The following UGT2A1 variants were observed in gnomAD, a reference collection of about 807,000 sequenced individuals.
The protein encoded by UGT2A1 is UDP-glucuronosyltransferase 2A1.
A neutral mutation model predicts 45.4 loss-of-function variants in UGT2A1; 61 were observed. That is an observed-to-expected ratio of 1.34 (90% confidence interval 1.09 to 1.66). UGT2A1 has a LOEUF of 1.66. UGT2A1 is among the 40% of genes most tolerant of loss of function. The pLI, the probability that UGT2A1 is intolerant of heterozygous loss-of-function variation, is 0.00. For synonymous variants in UGT2A1, 229 were observed against 196.2 expected (o/e 1.17, Z -1.40); for missense variants, 649 against 574.3 (o/e 1.13, Z -1.33).
Position 69,589,644 on chromosome 4 carries a change from C to A in UGT2A1, c.1312G>T (p.Glu438Ter). ...RTVINEPSYK[E>*]NAMRLSRIHH... ...ATTCTTGATAACCTCATAGCATTCTCTTTATAACTAGAAGACAAATAAATA... is the reference window on the plus strand; with the variant it reads ...ATTCTTGATAACCTCATAGCATTCTATTTATAACTAGAAGACAAATAAATA... Residue 438 changes from glutamate to a stop codon, truncating the protein, a stop_gained, in exon 7 of 7, where the codon GAG (glutamate) becomes TAG (stop). Coordinates refer to ENST00000286604, the MANE Select transcript of UGT2A1 (RefSeq NM_001252275.3). LOFTEE classifies it high-confidence loss of function. 1.2e-6 allele frequency: 2 copies of A among 1,603,058 alleles called. No homozygotes were observed. Among genetic ancestry groups the A allele is most frequent in the Non-Finnish European group, 1.7e-6 (2 of 1,174,306 alleles).
intron 4 of UGT2A1, chr4:69,596,247 G>T: frequency 6.4e-7 from 1 of 1,569,880 alleles, no homozygotes; most frequent in Non-Finnish European, 8.6e-7. Flanking sequence ...AGGCTGTACT[G>T]ACCTTCTGTG....
intron 3 of UGT2A1, among the ~76,000 whole-genome samples, chr4:69,621,174 T>C (rs1720733212): frequency 6.6e-6 from 1 of 152,016 alleles, no homozygotes; most frequent in Non-Finnish European, 1.5e-5. Flanking sequence ...CTTAAGAGCT[T>C]CTGCACAGCA....
At chr4:69,591,061 A>T (rs991703219) in intron 6 of UGT2A1, among the ~76,000 whole-genome samples, 3 of 152,148 alleles carry the variant, frequency 2.0e-5, no homozygotes, top group Non-Finnish European at 2.9e-5. Flanking sequence ...AAATTAAATA[A>T]TTTTTAGGCA....
rs72853656 is a variant in UGT2A1, at chr4:69,631,666, G to A, written c.847+4025C>T. Among the ~76,000 whole-genome samples, 783 of 152,216 alleles carry A rather than the reference G, an allele frequency of 5.1e-3. 5 individuals carry two copies. Among genetic ancestry groups the A allele is most frequent in the African/African-American group, 0.018 (753 of 41,542 alleles). The stretch of plus-strand genomic sequence containing the variant: ...AAGCAAGGAGAGGAGTGTGTACATG[G>A]GCATTTCTGGGTGTGTCCACTAATT... On this transcript the variant is annotated intron_variant, in intron 3 of 6. Coordinates refer to ENST00000286604, the MANE Select transcript of UGT2A1 (RefSeq NM_001252275.3).
At chr4:69,630,997 A>C (rs1373347987) in intron 3 of UGT2A1, among the ~76,000 whole-genome samples, 1 of 152,162 alleles carries the variant, frequency 6.6e-6, no homozygotes, top group Non-Finnish European at 1.5e-5. Flanking sequence ...GATCTCTGTG[A>C]TAGGATGTCC....
chr4:69,612,688 G>A lies in UGT2A1; in HGVS notation c.848-13294C>T, dbSNP rs913786173. ...ACTGGCTAGCCATATGCAGAAGAAA[G>A]AAACCGGATTGTCACAATTTACCCT... On this transcript the variant is annotated intron_variant, in intron 3 of 6. Transcript: ENST00000286604. 7.9e-5 allele frequency among the ~76,000 whole-genome samples: 12 copies of A among 151,950 alleles called. No homozygotes were observed. The South Asian group carries it at 1.7e-3, about 21-fold the overall frequency.
chr4:69,596,186 T>G (rs1277941456), intron 4 of UGT2A1: 59 of 1,407,316 alleles, frequency 4.2e-5, no homozygotes, highest in Non-Finnish European at 5.5e-5. Flanking sequence ...GAAAGAACAT[T>G]ACTAGCTGCA....
chr4:69,617,180 G>A (rs373048015), intron 3 of UGT2A1, among the ~76,000 whole-genome samples: 5 of 151,874 alleles, frequency 3.3e-5, no homozygotes, highest in Admixed American at 6.6e-5. Flanking sequence ...AAACAAAAAT[G>A]TGCATCCTTT....
Position 69,626,062 on chromosome 4 carries a change from A to G in UGT2A1, c.847+9629T>C, listed in dbSNP as rs749110777. On this transcript the variant is annotated intron_variant, in intron 3 of 6. Transcript: ENST00000286604. ...ACTGTGAACTTGTCTGTTTAATAAT[A>G]TGCTATTTGTTGCTCTCAGTCATAT... is the stretch of plus-strand genomic sequence containing the variant. Among the ~76,000 whole-genome samples the G allele has an allele frequency of 6.6e-4, 100 of 151,676 alleles. 3 individuals carry two copies. Among genetic ancestry groups the G allele is most frequent in the Middle Eastern group, 3.4e-3 (1 of 292 alleles).
rs1288999985 is a variant in UGT2A1 at position 69,588,555 on chromosome 4, TA to T, written c.*816del. ...TTATGTAATTATTTGTACAGTTGAC[TA>T]AAAATTTTATAAAAATGATAATTAT... On this transcript the variant is annotated 3_prime_UTR_variant, in exon 7 of 7. Coordinates refer to ENST00000286604, the MANE Select transcript of UGT2A1 (RefSeq NM_001252275.3). 6.6e-6 allele frequency: 1 copy of T among 152,126 alleles called. No homozygotes were observed. Among genetic ancestry groups the T allele is most frequent in the African/African-American group, 2.4e-5 (1 of 41,456 alleles). 9.4% of individuals were successfully genotyped at this position (152,126 alleles called of 1,614,324 possible). A position where few individuals can be genotyped will look rare whatever the true frequency, so the allele number is the denominator to read the frequency against.
intron 2 of UGT2A1, among the ~76,000 whole-genome samples, chr4:69,636,949 C>G (rs556608571): frequency 4.6e-5 from 7 of 152,172 alleles, no homozygotes; most frequent in East Asian, 3.9e-4. Flanking sequence ...TTTTCAGGAC[C>G]CTTCACCTTG....
chr4:69,619,391 T>A (rs1268147746), intron 3 of UGT2A1, among the ~76,000 whole-genome samples: 2 of 151,308 alleles, frequency 1.3e-5, no homozygotes, highest in Admixed American at 1.3e-4. Context: ...CAGAGCAAAA[T>A]CTTGTCTTAA....
chr4:69,646,801 A>T (rs1722279835), intron 2 of UGT2A1, 129 bp downstream of exon 2: 3 of 590,406 alleles, frequency 5.1e-6, no homozygotes, highest in African/African-American at 3.8e-5. Context: ...TTCTGCTATC[A>T]AGTGATAGTA....
rs72552708 is a variant in UGT2A1, at chr4:69,647,003, G to A, written c.642C>T (p.Ile214=). ...MSFTDRIRNF[I]SYHLQDYMFE... ...ACATGTAGTCCTGTAGGTGGTAGGA[G>A]ATGAAATTTCTTATTCTGTCAGTGA... The change falls in exon 2 of 7, where the codon ATC becomes ATT. Residue 214 remains isoleucine (I), a synonymous_variant. Transcript: ENST00000286604. The A allele has an allele frequency of 6.2e-7, 1 of 1,612,328 alleles. No homozygotes were observed. The highest frequency in any genetic ancestry group is 8.5e-7 in the Non-Finnish European group (1 of 1,179,004).
intron 4 of UGT2A1, 89 bp from the exon 5 acceptor site, chr4:69,595,338 C>G: frequency 6.8e-7 from 1 of 1,475,138 alleles, no homozygotes; most frequent in Non-Finnish European, 9.3e-7. Context: ...ATTTAGCCAG[C>G]TACTTGGAAG....
intron 6 of UGT2A1, among the ~76,000 whole-genome samples, chr4:69,593,768 A>G (rs891728523): frequency 2.0e-5 from 3 of 151,832 alleles, no homozygotes; most frequent in African/African-American, 7.2e-5. Flanking sequence ...CGAATGGTAT[A>G]TACTCAGTGT....
intron 2 of UGT2A1, among the ~76,000 whole-genome samples, chr4:69,640,773 A>C (rs1360249526): frequency 6.6e-6 from 1 of 151,864 alleles, no homozygotes; most frequent in African/African-American, 2.4e-5. Context: ...TGGTTTTAGA[A>C]TTTTTGCATT....
intron 3 of UGT2A1, among the ~76,000 whole-genome samples, chr4:69,611,446 G>GA (rs200977513): frequency 0.011 from 1,657 of 149,660 alleles, 28 homozygotes; most frequent in Middle Eastern, 0.021. Context: ...GAAATGATAA[G>GA]AAAAAAAAAC....
At chr4:69,605,006 G>A (rs1047076306) in intron 3 of UGT2A1, among the ~76,000 whole-genome samples, 5 of 136,102 alleles carry the variant, frequency 3.7e-5, no homozygotes, top group Non-Finnish European at 7.8e-5. Flanking sequence ...ACGTTAGACA[G>A]ATCAATGAGA....
Sources: gnomAD v4.1 joint callset for allele counts (sites outside exome capture counted in the v4.1 genomes callset) on GRCh38, gnomAD v4.1.1 for gene constraint, MANE v1.5 for transcripts, NCBI Gene and HGNC (gene_info 2026-07-23, HGNC 2026-07-21) for gene names.